Variants in PLAC8 observed in about 807,000 individuals in gnomAD.
PLAC8 encodes placenta-specific gene 8 protein.
PLAC8 carries 6 observed loss-of-function variants against 12.6 expected under a neutral mutation model. The ratio of observed to expected loss-of-function variants is 0.48; its 90% CI spans 0.26 to 0.94. The LOEUF (loss-of-function observed/expected upper bound fraction) is 0.94. Ranked by LOEUF, PLAC8 falls within the 40% of genes least tolerant of loss-of-function variation. PLAC8 has a pLI of 0.14. For synonymous variants in PLAC8, 54 were observed against 52.6 expected (o/e 1.03, Z -0.11); for missense variants, 122 against 152.7 (o/e 0.80, Z 1.06).
At chr4:83,099,545 T>C (rs756874915) in intron 3 of PLAC8, among the ~76,000 whole-genome samples, 1 of 152,182 alleles carries the variant, frequency 6.6e-6, no homozygotes, top group Non-Finnish European at 1.5e-5. Context: ...GATGGTGATA[T>C]AGTTTGGATG....
At chr4:83,103,927 C>T (rs371954158) in intron 3 of PLAC8, among the ~76,000 whole-genome samples, 37 of 152,290 alleles carry the variant, frequency 2.4e-4, no homozygotes, top group South Asian at 1.5e-3. Flanking sequence ...CTGGGCCTCC[C>T]GAAGTGCTGG....
chr4:83,094,834 A>C, intron 3 of PLAC8, 43 bp from the exon 4 acceptor site: 1 of 1,221,506 alleles, frequency 8.2e-7, no homozygotes. Context: ...AAATTCACCT[A>C]TTTGGAATTA....
intron 3 of PLAC8, among the ~76,000 whole-genome samples, chr4:83,096,102 A>C (rs1026149418): frequency 6.6e-6 from 1 of 152,236 alleles, no homozygotes; most frequent in Non-Finnish European, 1.5e-5. Flanking sequence ...TTCCCCAGGC[A>C]AAAGGGAGGT....
At chr4:83,104,825 A>T (rs1190820171) in intron 3 of PLAC8, 71 bp downstream of exon 3, 3 of 1,491,422 alleles carry the variant, frequency 2.0e-6, no homozygotes, top group Non-Finnish European at 2.8e-6. Context: ...ACATCAAATG[A>T]TCTCCATGTT....
intron 1 of PLAC8, among the ~76,000 whole-genome samples, chr4:83,109,499 G>A (rs565449438): frequency 6.6e-6 from 1 of 152,354 alleles, no homozygotes; most frequent in South Asian, 2.1e-4. Context: ...ATCATTCAGG[G>A]CGTGCATGAG....
chr4:83,098,199 C>T (rs188959875), intron 3 of PLAC8, among the ~76,000 whole-genome samples: 40 of 151,980 alleles, frequency 2.6e-4, no homozygotes, highest in African/African-American at 9.2e-4. Flanking sequence ...ACTAACGGGA[C>T]GAAACTGAAG....
intron 3 of PLAC8, among the ~76,000 whole-genome samples, chr4:83,101,294 C>T (rs1337414056): frequency 6.6e-6 from 1 of 152,140 alleles, no homozygotes; most frequent in Non-Finnish European, 1.5e-5. Flanking sequence ...GCAGGAGAAT[C>T]GCTTGAACCC....
chr4:83,114,170 G>A (rs1177483839), intron 1 of PLAC8, among the ~76,000 whole-genome samples: 1 of 151,980 alleles, frequency 6.6e-6, no homozygotes, highest in African/African-American at 2.4e-5. Flanking sequence ...AAGAATTCTA[G>A]TCTGTTTTTC....
At chr4:83,098,734 GGT>G (rs1732007994) in intron 3 of PLAC8, among the ~76,000 whole-genome samples, 1 of 26,718 alleles carries the variant, frequency 3.7e-5, no homozygotes, top group Admixed American at 4.7e-4. Context: ...TCAGAATAAA[GGT>G]TTTTTTTTTT....
chr4:83,102,455 C>T (rs974439918), intron 3 of PLAC8, among the ~76,000 whole-genome samples: 1 of 152,154 alleles, frequency 6.6e-6, no homozygotes, highest in Non-Finnish European at 1.5e-5. Context: ...GGGAGAATTG[C>T]TTGAACCTGG....
At chr4:83,105,590 C>T (rs1239921087) in intron 2 of PLAC8, among the ~76,000 whole-genome samples, 2 of 152,156 alleles carry the variant, frequency 1.3e-5, no homozygotes, top group African/African-American at 4.8e-5. Context: ...GAGGATTTAA[C>T]TGGGGGTTGA....
intron 3 of PLAC8, among the ~76,000 whole-genome samples, chr4:83,103,103 G>A (rs1385630763): frequency 7.5e-6 from 1 of 134,214 alleles, no homozygotes; most frequent in Non-Finnish European, 1.6e-5. Context: ...AAAAAAGAAA[G>A]CTATTTCTTG....
intron 1 of PLAC8, among the ~76,000 whole-genome samples, chr4:83,113,474 A>G (rs1732469316): frequency 6.6e-6 from 1 of 152,168 alleles, no homozygotes; most frequent in African/African-American, 2.4e-5. Context: ...ATAACTACAG[A>G]TCCAATTTAA....
At chr4:83,098,188 G>C (rs1731991837) in intron 3 of PLAC8, among the ~76,000 whole-genome samples, 1 of 152,176 alleles carries the variant, frequency 6.6e-6, no homozygotes, top group African/African-American at 2.4e-5. Flanking sequence ...TAACCTAAAA[G>C]ACTAACGGGA....
chr4:83,100,502 TGC>T (rs1732073542), intron 3 of PLAC8, among the ~76,000 whole-genome samples: 2 of 64,782 alleles, frequency 3.1e-5, no homozygotes, highest in African/African-American at 1.4e-4. Flanking sequence ...TTTATAGCAA[TGC>T]GAGAACCTTT....
In PLAC8 at chr4:83,094,820, T is replaced by C. The variant is rs746723962; in HGVS notation, c.244-29A>G. The C allele has an allele frequency of 3.0e-6, 4 of 1,347,282 alleles. No individual in the cohort carries two copies. The South Asian group carries it at 5.6e-5, about 19-fold the overall frequency. 83.5% of individuals were successfully genotyped at this position (1,347,282 alleles called of 1,614,324 possible). ...TTTGAAAACCAAAAAGAAATAAAAA[T>C]ATAAAATTCACCTATTTGGAATTAA... is the stretch of plus-strand genomic sequence containing the variant. On this transcript the variant is annotated intron_variant, in intron 3 of 4. Transcript: ENST00000311507.
chr4:83,113,957 T>C (rs1225648524), intron 1 of PLAC8, among the ~76,000 whole-genome samples: 2 of 150,662 alleles, frequency 1.3e-5, no homozygotes, highest in Non-Finnish European at 3.0e-5. Flanking sequence ...AATATTAATA[T>C]AATACATGAT....
chr4:83,100,733 T>C (rs1283579479), intron 3 of PLAC8, among the ~76,000 whole-genome samples: 2 of 152,154 alleles, frequency 1.3e-5, no homozygotes, highest in Non-Finnish European at 2.9e-5. Context: ...GGCCTCTAAA[T>C]GTTCAAATGA....
chr4:83,098,884 C>T (rs1021684748), intron 3 of PLAC8, among the ~76,000 whole-genome samples: 2 of 151,922 alleles, frequency 1.3e-5, no homozygotes, highest in Admixed American at 6.6e-5. Context: ...CTCTTTCTAA[C>T]CTAATATTTA....
Sources: allele counts gnomAD v4.1 joint callset (sites outside exome capture counted in the v4.1 genomes callset), GRCh38; gene constraint gnomAD v4.1.1; transcripts MANE v1.5; gene names NCBI Gene and HGNC (gene_info 2026-07-23, HGNC 2026-07-21).